The following RNF212B variants were observed in gnomAD, a reference collection of about 807,000 sequenced individuals.
RNF212B encodes the protein E3 ubiquitin-protein ligase RNF212B.
Under a neutral mutation model 55.5 loss-of-function variants are expected in RNF212B, and 52 were observed. That is an observed-to-expected ratio of 0.94 (90% CI 0.75 to 1.18). The LOEUF (loss-of-function observed/expected upper bound fraction) is 1.18. Ranked by LOEUF, RNF212B falls within the 50% of genes most tolerant of loss-of-function variation. RNF212B has a pLI of 0.00. For synonymous variants in RNF212B, 99 were observed against 121.4 expected (o/e 0.82, Z 1.21); for missense variants, 289 against 350.4 (o/e 0.82, Z 1.40).
At chr14:23,258,037 C>G (rs564884101) in intron 4 of RNF212B, among the ~76,000 whole-genome samples, 144 of 152,214 alleles carry the variant, frequency 9.5e-4, no homozygotes, top group Non-Finnish European at 1.9e-3. Flanking sequence ...GTAGAATATT[C>G]TCATTAAGAT....
Position 23,218,165 on chromosome 14 carries a change from G to A in RNF212B, c.-1-22180G>A, listed in dbSNP as rs189708928. ...GGGCGGATCACGAGGTCAGGAGATC[G>A]AGACCCTCTTGGCTAACACGGTGAA... On this transcript the variant is annotated intron_variant, in intron 2 of 15. Transcript: ENST00000399910. 5.2e-4 allele frequency among the ~76,000 whole-genome samples: 79 copies of A among 151,880 alleles called. No homozygotes were observed. In the East Asian group the frequency reaches 8.4e-3, roughly 16 times the overall value.
intron 11 of RNF212B, among the ~76,000 whole-genome samples, chr14:23,266,404 G>GTTTTTTTTTTTT (rs57731750): frequency 6.4e-5 from 3 of 46,882 alleles, no homozygotes; most frequent in African/African-American, 1.3e-4. Flanking sequence ...CCTTTTAAAT[G>GTTTTTTTTTTTT]TTTTTTTTTT....
In RNF212B at chr14:23,270,612, G is replaced by A; in HGVS notation, c.785G>A (p.Ser262Asn). ...TTCTATCCTTCAGCTCAGAGGGAGA[G>A]CACAACTACACTAGAGAGTCTTCCT... ...LTPNNFAQRE[S>N]TTTLESLPSF... The change falls in exon 14 of 15, where the codon AGC becomes AAC. Residue 262 changes from serine to asparagine, a missense_variant. Coordinates refer to ENST00000430154, the MANE Select transcript of RNF212B (RefSeq NM_001282322.3). 4 of 1,550,284 alleles carry A rather than the reference G, an allele frequency of 2.6e-6. No individual in the cohort carries two copies. Among genetic ancestry groups the A allele is most frequent in the South Asian group, 1.2e-5 (1 of 84,042 alleles).
At chr14:23,208,692 G>T (rs2140383033) in intron 2 of RNF212B, among the ~76,000 whole-genome samples, 1 of 150,114 alleles carries the variant, frequency 6.7e-6, no homozygotes, top group Admixed American at 6.7e-5. Flanking sequence ...AGTTTATTAA[G>T]AAAGTAAAGG....
chr14:23,262,665 G>T lies in RNF212B; in HGVS notation c.435G>T (p.Arg145Ser), dbSNP rs1479265482. The T allele has an allele frequency of 2.6e-6, 4 of 1,549,716 alleles. No individual in the cohort carries two copies. The highest frequency in any genetic ancestry group is 3.5e-6 in the Non-Finnish European group (4 of 1,146,778). Residue 145 changes from arginine (R) to serine (S), a missense_variant and splice_region_variant, in exon 8 of 15, where the codon AGG becomes AGT. Coordinates refer to ENST00000430154, the MANE Select transcript of RNF212B (RefSeq NM_001282322.3). ...KESPSRYQGSRSITPRPVGIT... is the reference protein window; with the variant it reads ...KESPSRYQGSSSITPRPVGIT... Reference sequence around the variant, plus strand: ...CCGCCTCTTTTTTTTTCCCTTGCAGGTCAATCACACCTCGACCAGTGGGCA... The same window carrying T: ...CCGCCTCTTTTTTTTTCCCTTGCAGTTCAATCACACCTCGACCAGTGGGCA...
Position 23,229,261 on chromosome 14 carries a change from T to TATATATATATAC in RNF212B, c.-1-11083_-1-11082insTATATATATACA, listed in dbSNP as rs558232357. 3.1e-4 allele frequency among the ~76,000 whole-genome samples: 39 copies of TATATATATATAC among 127,192 alleles called. 1 individual carries two copies. Among genetic ancestry groups the TATATATATATAC allele is most frequent in the South Asian group, 5.0e-4 (2 of 4,012 alleles). 83.4% of individuals were successfully genotyped at this position (127,192 alleles called of 152,430 possible). A position where few individuals can be genotyped will look rare whatever the true frequency, so the allele number is the denominator to read the frequency against. Reference sequence around the variant, plus strand: ...ATATATATATATATATATATATATATACCACATTGTTTATCCATTCATCTA... The same window carrying TATATATATATAC: ...ATATATATATATATATATATATATATATATATATATACACCACATTGTTTATCCATTCATCTA... On this transcript the variant is annotated intron_variant, in intron 2 of 15. Coordinates refer to the RNF212B transcript ENST00000399910.
intron 14 of RNF212B, chr14:23,272,406 G>A (rs894538711): frequency 3.3e-5 from 8 of 244,790 alleles, no homozygotes; most frequent in African/African-American, 1.4e-4. Context: ...GTGACAGAGC[G>A]AGACTCCATC....
At chr14:23,265,131 T>C (rs1324688808) in intron 11 of RNF212B, among the ~76,000 whole-genome samples, 1 of 152,222 alleles carries the variant, frequency 6.6e-6, no homozygotes, top group Admixed American at 6.5e-5. Flanking sequence ...TACAAGTTTT[T>C]CAAATAATGA....
chr14:23,262,633 A>T, intron 7 of RNF212B, 32 bp from the exon 8 acceptor site: 1 of 1,545,954 alleles, frequency 6.5e-7, no homozygotes, highest in African/African-American at 1.4e-5. Flanking sequence ...GCCTAGAGAG[A>T]TTAGAGCCGC....
chr14:23,248,091 A>G (rs1393514473), intron 4 of RNF212B, among the ~76,000 whole-genome samples: 4 of 152,110 alleles, frequency 2.6e-5, no homozygotes, highest in African/African-American at 9.7e-5. Context: ...AAAAGTGGCA[A>G]ACAGGCTCCT....
In RNF212B at chr14:23,220,553, C is replaced by T. The variant is rs545049513; in HGVS notation, c.-1-19792C>T. Among the ~76,000 whole-genome samples, 31 of 146,036 alleles carry T rather than the reference C, an allele frequency of 2.1e-4. No homozygotes were observed. In the South Asian group the frequency reaches 5.2e-3, roughly 25 times the overall value. On this transcript the variant is annotated intron_variant, in intron 2 of 15. Coordinates refer to the RNF212B transcript ENST00000399910. Reference sequence around the variant, plus strand: ...TCTCAAAAAACAAAACAGCCGGGCTCGGTGGCTCACGCCTGTAATCCCAGC... The same window carrying T: ...TCTCAAAAAACAAAACAGCCGGGCTTGGTGGCTCACGCCTGTAATCCCAGC...
chr14:23,234,343 C>G (rs1266953372), upstream of RNF212B, among the ~76,000 whole-genome samples: 1 of 151,386 alleles, frequency 6.6e-6, no homozygotes, highest in African/African-American at 2.4e-5. Context: ...TTTAAAATTA[C>G]TTAGTCAAAT....
At chr14:23,243,392 G>A in intron 3 of RNF212B, 84 bp downstream of exon 3, 1 of 1,233,440 alleles carries the variant, frequency 8.1e-7, no homozygotes, top group Non-Finnish European at 1.1e-6. Flanking sequence ...ATGATGAATT[G>A]TTTCAAAAAG....
intron 13 of RNF212B, 114 bp from the exon 14 acceptor site, chr14:23,270,486 T>G (rs1312369105): frequency 1.5e-5 from 11 of 720,814 alleles, no homozygotes; most frequent in Non-Finnish European, 2.7e-5. Context: ...CTGATTGTGT[T>G]TCCCTTCTGA....
At chr14:23,272,143 C>T (rs1271622967) in intron 14 of RNF212B, among the ~76,000 whole-genome samples, 4 of 152,038 alleles carry the variant, frequency 2.6e-5, no homozygotes, top group African/African-American at 2.4e-5. Flanking sequence ...GTGGGCCAGG[C>T]GTGGTGGCTC....
intron 2 of RNF212B, among the ~76,000 whole-genome samples, chr14:23,218,108 C>T (rs1881255606): frequency 6.6e-6 from 1 of 151,988 alleles, no homozygotes; most frequent in Admixed American, 6.6e-5. Context: ...GTGGCTCATG[C>T]CTGTAATCCT....
At chr14:23,193,021 G>A (rs949533912) in intron 1 of RNF212B, among the ~76,000 whole-genome samples, 3 of 150,114 alleles carry the variant, frequency 2.0e-5, no homozygotes, top group Non-Finnish European at 2.9e-5. Flanking sequence ...GAACCTGGGA[G>A]GTGGAGGTTG....
upstream of RNF212B, among the ~76,000 whole-genome samples, chr14:23,232,992 A>T (rs1338112695): frequency 6.6e-6 from 1 of 152,242 alleles, no homozygotes; most frequent in African/African-American, 2.4e-5. Context: ...GAAAAGACAG[A>T]GAAATCAGAT....
At chr14:23,188,768 C>T (rs150682878) in intron 1 of RNF212B, among the ~76,000 whole-genome samples, 6 of 152,208 alleles carry the variant, frequency 3.9e-5, no homozygotes, top group East Asian at 3.9e-4. Flanking sequence ...CTGTGCTGGG[C>T]CTCAGGTTTT....
Sources: allele counts gnomAD v4.1 joint callset (sites outside exome capture counted in the v4.1 genomes callset), GRCh38; gene constraint gnomAD v4.1.1; transcripts MANE v1.5; gene names NCBI Gene and HGNC (gene_info 2026-07-23, HGNC 2026-07-21).